CCNY: variants seen among roughly 807,000 people sequenced by gnomAD.
CCNY encodes cyclin Y, also known as cyclin-Y.
In CCNY, 19 loss-of-function variants were observed where a neutral mutation model predicts 42.8. The ratio of observed to expected loss-of-function variants is 0.44; its 90% CI spans 0.31 to 0.65. CCNY has a LOEUF of 0.65. CCNY is among the 30% of genes least tolerant of loss of function. The pLI, the probability that CCNY is intolerant of heterozygous loss-of-function variation, is 0.07. For synonymous variants in CCNY, 165 were observed against 162.7 expected (o/e 1.01, Z -0.11); for missense variants, 370 against 437.3 (o/e 0.85, Z 1.37).
At chr10:35,359,140 G>A (rs186779227) in intron 1 of CCNY, among the ~76,000 whole-genome samples, 12 of 152,330 alleles carry the variant, frequency 7.9e-5, no homozygotes, top group Middle Eastern at 3.4e-3. Flanking sequence ...TGGACTTGTA[G>A]TGTGACTGAT....
intron 1 of CCNY, among the ~76,000 whole-genome samples, chr10:35,373,231 G>A (rs1836977187): frequency 6.6e-6 from 1 of 152,178 alleles, no homozygotes; most frequent in South Asian, 2.1e-4. Flanking sequence ...TTAATTTACA[G>A]AGTGGGGATA....
chr10:35,550,574 A>T (rs1356127659), intron 7 of CCNY, among the ~76,000 whole-genome samples: 1 of 151,108 alleles, frequency 6.6e-6, no homozygotes. Context: ...CTGCCCCTCC[A>T]CCTGCACAGT....
intron 1 of CCNY, among the ~76,000 whole-genome samples, chr10:35,411,906 A>C (rs1837915079): frequency 6.6e-6 from 1 of 152,258 alleles, no homozygotes; most frequent in Non-Finnish European, 1.5e-5. Context: ...CCACTGTCTC[A>C]CTGGCTTTTC....
In CCNY at chr10:35,555,660, A is replaced by G. The variant is rs151316881; in HGVS notation, c.746+2475A>G. 5.3e-5 allele frequency among the ~76,000 whole-genome samples: 8 copies of G among 152,332 alleles called. No individual in the cohort carries two copies. The East Asian group carries it at 1.5e-3, about 29-fold the overall frequency. The stretch of plus-strand genomic sequence containing the variant: ...TGACTTGACTAGTAAGTCAGTCACA[A>G]TCTATGTTTCTTCTAAGCAATTGGA... On this transcript the variant is annotated intron_variant, in intron 8 of 9. Transcript: ENST00000374704.
At chr10:35,389,439 C>CTTTTT (rs1365155125) in intron 1 of CCNY, among the ~76,000 whole-genome samples, 3 of 120,560 alleles carry the variant, frequency 2.5e-5, no homozygotes, top group Non-Finnish European at 3.5e-5. Flanking sequence ...GAAAACTGTG[C>CTTTTT]TTTTTTTTTT....
Position 35,478,451 on chromosome 10 carries a change from A to G in CCNY, c.155-4953A>G, listed in dbSNP as rs1272656382. On this transcript the variant is annotated intron_variant, in intron 1 of 9. Coordinates refer to ENST00000374704, the MANE Select transcript of CCNY (RefSeq NM_145012.6). ...GGTACCAAAACAGAGATATAGATCA[A>G]TGGAACAGAACAGAGCCCTCAGAAA... Among the ~76,000 whole-genome samples the G allele has an allele frequency of 3.3e-3, 507 of 151,876 alleles. 4 individuals are homozygous for G. Among genetic ancestry groups the G allele is most frequent in the African/African-American group, 0.012 (478 of 41,414 alleles).
chr10:35,397,796 T>G (rs1225913587), intron 1 of CCNY, among the ~76,000 whole-genome samples: 1 of 152,196 alleles, frequency 6.6e-6, no homozygotes, highest in Non-Finnish European at 1.5e-5. Flanking sequence ...CCTGCCTGGA[T>G]GCATGTGTGT....
At chr10:35,554,069 A>C (rs1841314676) in intron 8 of CCNY, among the ~76,000 whole-genome samples, 1 of 152,120 alleles carries the variant, frequency 6.6e-6, no homozygotes, top group South Asian at 2.1e-4. Context: ...TTTAAGCTGG[A>C]GGAGGTTACC....
intron 3 of CCNY, among the ~76,000 whole-genome samples, chr10:35,256,744 TA>T (rs199594072): frequency 0.075 from 8,085 of 107,476 alleles, 229 homozygotes; most frequent in Admixed American, 0.11. Flanking sequence ...AATAAAACAT[TA>T]AAAAAAAAAA....
chr10:35,349,304 G>A (rs1836378582), intron 1 of CCNY, among the ~76,000 whole-genome samples: 1 of 152,200 alleles, frequency 6.6e-6, no homozygotes, highest in Non-Finnish European at 1.5e-5. Flanking sequence ...CATGGACACA[G>A]CAGAGCCTCT....
intron 1 of CCNY, among the ~76,000 whole-genome samples, chr10:35,364,042 A>G (rs1239831875): frequency 6.6e-6 from 1 of 152,212 alleles, no homozygotes; most frequent in Non-Finnish European, 1.5e-5. Context: ...TACTGTTGAG[A>G]ATATAATTTT....
rs34688285 is a variant in CCNY at position 35,273,127 on chromosome 10, C to T, written c.-9+22501C>T. Among the ~76,000 whole-genome samples the T allele has an allele frequency of 9.6e-3, 1,460 of 152,126 alleles. 13 individuals carry two copies. Among genetic ancestry groups the T allele is most frequent in the Non-Finnish European group, 0.017 (1,147 of 67,992 alleles). The stretch of plus-strand genomic sequence containing the variant: ...CATTTCCCTAATCCATTCTCTTTCC[C>T]GTTCTCCTAAATGCCTATTTCTCCT... On this transcript the variant is annotated intron_variant, in intron 3 of 11. Coordinates refer to the CCNY transcript ENST00000374706.
chr10:35,516,676 T>TCC, intron 4 of CCNY, 53 bp downstream of exon 4: 1 of 1,076,846 alleles, frequency 9.3e-7, no homozygotes, highest in African/African-American at 1.7e-5. Flanking sequence ...TTTTTTTTTT[T>TCC]TTTTTTTTTT....
intron 1 of CCNY, among the ~76,000 whole-genome samples, chr10:35,445,049 AAGAAG>A (rs1472885162): frequency 2.0e-5 from 3 of 152,208 alleles, no homozygotes; most frequent in Non-Finnish European, 2.9e-5. Context: ...GGATTATGGA[AAGAAG>A]AGCATGTTTT....
At position 35,478,827 on chromosome 10, in the gene CCNY, T is replaced by G. The variant is rs1013074552; in HGVS notation, c.155-4577T>G. ...ACTAAAGAGCTTCTGCACAGCAAAATAGACTACCATCAGAGTGAACAGGCA... is the reference window on the plus strand; with the variant it reads ...ACTAAAGAGCTTCTGCACAGCAAAAGAGACTACCATCAGAGTGAACAGGCA... On this transcript the variant is annotated intron_variant, in intron 1 of 9. Coordinates refer to ENST00000374704, the MANE Select transcript of CCNY (RefSeq NM_145012.6). 3.4e-4 allele frequency among the ~76,000 whole-genome samples: 51 copies of G among 152,172 alleles called. No individual in the cohort carries two copies. The South Asian group carries it at 9.7e-3, about 29-fold the overall frequency.
At chr10:35,261,315 G>A (rs562573893) in intron 3 of CCNY, among the ~76,000 whole-genome samples, 1 of 150,218 alleles carries the variant, frequency 6.7e-6, no homozygotes, top group African/African-American at 2.5e-5. Flanking sequence ...TCAGCTCACA[G>A]CAACCTCCGC....
intron 1 of CCNY, among the ~76,000 whole-genome samples, chr10:35,351,230 A>G (rs896298176): frequency 2.0e-5 from 3 of 152,352 alleles, no homozygotes; most frequent in Admixed American, 6.5e-5. Flanking sequence ...TGCACAACCA[A>G]TCAGGAAGAT....
At position 35,305,038 on chromosome 10, in the gene CCNY, A is replaced by G. The variant is rs116009947; in HGVS notation, c.-9+54412A>G. Among the ~76,000 whole-genome samples, 1,032 of 152,332 alleles carry G rather than the reference A, an allele frequency of 6.8e-3. 11 individuals carry two copies. Among genetic ancestry groups the G allele is most frequent in the African/African-American group, 0.024 (987 of 41,570 alleles). On this transcript the variant is annotated intron_variant, in intron 3 of 11. Coordinates refer to the CCNY transcript ENST00000374706. ...AGTATTGAACTAAAAATCCACAGGA[A>G]CAATTCATGAGGCATTCCCGTTTGT...
intron 3 of CCNY, among the ~76,000 whole-genome samples, chr10:35,324,017 C>CAA (rs35546209): frequency 2.2e-5 from 3 of 135,088 alleles, no homozygotes; most frequent in African/African-American, 8.1e-5. Context: ...GACTTTGCCT[C>CAA]AAAAAAAAAA....
Sources: gnomAD v4.1 joint callset for allele counts (sites outside exome capture counted in the v4.1 genomes callset) on GRCh38, gnomAD v4.1.1 for gene constraint, MANE v1.5 for transcripts, NCBI Gene and HGNC (gene_info 2026-07-23, HGNC 2026-07-21) for gene names.